The following FAM168A variants were observed in gnomAD, a reference collection of about 807,000 sequenced individuals.
FAM168A encodes the protein family with sequence similarity 168 member A.
A neutral mutation model predicts 28.5 loss-of-function variants in FAM168A; 3 were observed. The ratio of observed to expected loss-of-function variants is 0.11; its 90% CI spans 0.05 to 0.27. The LOEUF (loss-of-function observed/expected upper bound fraction) is 0.27, where lower values mean the gene tolerates loss of function less well. FAM168A is among the 10% of genes least tolerant of loss of function. FAM168A has a pLI of 1.00. For missense variants in FAM168A, 222 were observed against 311.5 expected (o/e 0.71, Z 2.16); for synonymous variants, 122 against 124.2 (o/e 0.98, Z 0.12).
chr11:73,483,878 G>T (rs1868001937), intron 1 of FAM168A, among the ~76,000 whole-genome samples: 1 of 152,244 alleles, frequency 6.6e-6, no homozygotes, highest in South Asian at 2.1e-4. Context: ...TTAGCTTAGA[G>T]GTTAGCAGAA....
chr11:73,414,577 GGATA>G (rs1428701299), intron 4 of FAM168A, among the ~76,000 whole-genome samples: 1 of 152,170 alleles, frequency 6.6e-6, no homozygotes, highest in Non-Finnish European at 1.5e-5. Context: ...AATAGCTATA[GGATA>G]CATCAGTCTC....
At chr11:73,424,911 G>T in intron 3 of FAM168A, 1 of 876,528 alleles carries the variant, frequency 1.1e-6, no homozygotes, top group South Asian at 1.8e-5. Context: ...CCTGGGGGGA[G>T]CCCAAGCCTA....
intron 1 of FAM168A, among the ~76,000 whole-genome samples, chr11:73,493,081 T>C (rs1854790957): frequency 6.6e-6 from 1 of 152,044 alleles, no homozygotes; most frequent in South Asian, 2.1e-4. Flanking sequence ...GCTCACTACC[T>C]GGGTGACAGG....
rs138724726 is a variant in FAM168A at position 73,457,436 on chromosome 11, G to A, written c.70+10969C>T. ...AGGAAGAAATTTAGGGGTTACCAGG[G>A]CTAGAGGCAGGGCAAAAGATGAGTA... On this transcript the variant is annotated intron_variant, in intron 2 of 7. Transcript: ENST00000356467. 4.0e-4 allele frequency among the ~76,000 whole-genome samples: 61 copies of A among 151,556 alleles called. 1 individual carries two copies. The highest frequency in any genetic ancestry group is 1.4e-3 in the African/African-American group (60 of 41,426).
At chr11:73,478,051 C>T (rs984315499) in intron 1 of FAM168A, among the ~76,000 whole-genome samples, 7 of 152,054 alleles carry the variant, frequency 4.6e-5, no homozygotes, top group African/African-American at 1.7e-4. Flanking sequence ...AATTGTTGGC[C>T]TTATGATATA....
At chr11:73,556,441 TAAA>T (rs1943890368) in intron 1 of FAM168A, among the ~76,000 whole-genome samples, 1 of 150,714 alleles carries the variant, frequency 6.6e-6, no homozygotes, top group African/African-American at 2.4e-5. Flanking sequence ...TTAAATAAAA[TAAA>T]AAGACAAATC....
intron 1 of FAM168A, among the ~76,000 whole-genome samples, chr11:73,570,209 G>C (rs887257706): frequency 2.6e-5 from 4 of 152,322 alleles, no homozygotes; most frequent in Non-Finnish European, 4.4e-5. Flanking sequence ...TTCATTAGCT[G>C]TGAGACTAAG....
intron 1 of FAM168A, among the ~76,000 whole-genome samples, chr11:73,568,381 T>G (rs60578483): frequency 0.073 from 11,058 of 152,156 alleles, 1,203 homozygotes; most frequent in African/African-American, 0.23. Context: ...AGGTGAGGGG[T>G]TAATTTACCT....
At chr11:73,562,392 A>G (rs1006051034) in intron 1 of FAM168A, among the ~76,000 whole-genome samples, 1 of 152,220 alleles carries the variant, frequency 6.6e-6, no homozygotes, top group Non-Finnish European at 1.5e-5. Context: ...GTATCATTTG[A>G]CTCAGACCTT....
intron 4 of FAM168A, among the ~76,000 whole-genome samples, chr11:73,418,073 A>G (rs1302895415): frequency 6.6e-6 from 1 of 152,238 alleles, no homozygotes; most frequent in East Asian, 1.9e-4. Flanking sequence ...AAGGGTGATT[A>G]TGAGACTATA....
chr11:73,593,312 G>A (rs140515611), intron 1 of FAM168A, among the ~76,000 whole-genome samples: 7 of 152,094 alleles, frequency 4.6e-5, no homozygotes, highest in African/African-American at 1.4e-4. Flanking sequence ...TTTAAGTTGT[G>A]GGTTTATGTT....
At chr11:73,531,680 AAAC>A (rs138850087) in intron 1 of FAM168A, among the ~76,000 whole-genome samples, 1,542 of 152,250 alleles carry the variant, frequency 0.01, 28 homozygotes, top group African/African-American at 0.036. Flanking sequence ...GCTTCTCTTA[AAAC>A]AACAAGCTCT....
intron 1 of FAM168A, among the ~76,000 whole-genome samples, chr11:73,533,721 A>G (rs1190459961): frequency 1.3e-5 from 2 of 152,210 alleles, no homozygotes; most frequent in African/African-American, 4.8e-5. Flanking sequence ...CTGATGTTCA[A>G]AATAATTAAC....
intron 1 of FAM168A, among the ~76,000 whole-genome samples, chr11:73,546,174 T>G (rs890563001): frequency 8.5e-5 from 13 of 152,226 alleles, no homozygotes; most frequent in Non-Finnish European, 1.6e-4. Context: ...AGAGAATGTT[T>G]GCCAAAGTTA....
At chr11:73,482,682 T>G (rs1490070795) in intron 1 of FAM168A, among the ~76,000 whole-genome samples, 5 of 152,072 alleles carry the variant, frequency 3.3e-5, no homozygotes, top group African/African-American at 1.2e-4. Flanking sequence ...AAGCAATATG[T>G]GTGAAATGTC....
intron 2 of FAM168A, among the ~76,000 whole-genome samples, chr11:73,463,507 C>T (rs1867685522): frequency 6.6e-6 from 1 of 152,112 alleles, no homozygotes; most frequent in Non-Finnish European, 1.5e-5. Context: ...AGGAGATGTT[C>T]AGGAGACGGC....
At position 73,505,098 on chromosome 11, in the gene FAM168A, G is replaced by A. The variant is rs149708055; in HGVS notation, c.-18-36606C>T. Among the ~76,000 whole-genome samples the A allele has an allele frequency of 4.8e-3, 727 of 151,806 alleles. 5 individuals are homozygous for A. The highest frequency in any genetic ancestry group is 0.017 in the African/African-American group (691 of 41,290). ...GTATACCTATGTAACAAACCTGCAC[G>A]TTCTGCACATGTATCCCATTTTTTT... On this transcript the variant is annotated intron_variant, in intron 1 of 7. Coordinates refer to ENST00000356467, the MANE Select transcript of FAM168A (RefSeq NM_015159.3).
chr11:73,417,603 A>AAT (rs1866717524), intron 4 of FAM168A, among the ~76,000 whole-genome samples: 1 of 134,230 alleles, frequency 7.4e-6, no homozygotes, highest in Non-Finnish European at 1.5e-5. Flanking sequence ...TCTGTTGCCC[A>AAT]GGCTGTAGTG....
intron 1 of FAM168A, among the ~76,000 whole-genome samples, chr11:73,517,653 G>A (rs529941562): frequency 1.7e-4 from 26 of 152,204 alleles, no homozygotes; most frequent in Non-Finnish European, 3.4e-4. Context: ...GAGGATCAGG[G>A]AAAAACAATA....
Sources: gnomAD v4.1 joint callset for allele counts (sites outside exome capture counted in the v4.1 genomes callset) on GRCh38, gnomAD v4.1.1 for gene constraint, MANE v1.5 for transcripts, NCBI Gene and HGNC (gene_info 2026-07-23, HGNC 2026-07-21) for gene names.